TRIM5: variants seen among roughly 807,000 people sequenced by gnomAD.
TRIM5 encodes the protein tripartite motif-containing protein 5.
In TRIM5, 31 loss-of-function variants were observed where a neutral mutation model predicts 35.6. That is an observed-to-expected ratio of 0.87 (90% CI 0.65 to 1.18). The LOEUF is 1.18. Ranked by LOEUF, TRIM5 falls within the 50% of genes most tolerant of loss-of-function variation. The pLI is 0.00. For synonymous variants in TRIM5, 243 were observed against 215.6 expected (o/e 1.13, Z -1.11); for missense variants, 609 against 591.6 (o/e 1.03, Z -0.31).
At chr11:5,654,580 C>T in the TRIM5 span, among the ~76,000 whole-genome samples, 1 of 152,080 alleles carries the variant, frequency 6.6e-6, no homozygotes, top group Non-Finnish European at 1.5e-5. Context: ...TGCTAGTCTT[C>T]GAACACCTGG....
At position 5,668,625 on chromosome 11, in the gene TRIM5, T is replaced by C. The variant is rs1851327867; in HGVS notation, c.745-914A>G. On this transcript the variant is annotated intron_variant, in intron 4 of 7. Coordinates refer to ENST00000380034, the MANE Select transcript of TRIM5 (RefSeq NM_033034.3). ...CCATAATGCCCGGCTATTTTTTGTA[T>C]TTTTAGTAGAAATGGGGTTTCACCA... 2.0e-5 allele frequency among the ~76,000 whole-genome samples: 3 copies of C among 151,982 alleles called. No homozygotes were observed. The South Asian group carries it at 6.2e-4, about 32-fold the overall frequency.
chr11:5,623,361 G>A, the TRIM5 span, among the ~76,000 whole-genome samples: 1 of 151,442 alleles, frequency 6.6e-6, no homozygotes, highest in Non-Finnish European at 1.5e-5. Flanking sequence ...TATTTATTTT[G>A]TTTATTTTTA....
At chr11:5,592,914 C>CAAAAAAAAAAAAAAAAAAAAAAAAA in the TRIM5 span, among the ~76,000 whole-genome samples, 2 of 67,218 alleles carry the variant, frequency 3.0e-5, no homozygotes, top group African/African-American at 1.3e-4. Context: ...GAGATTGTCT[C>CAAAAAAAAAAAAAAAAAAAAAAAAA]AAAAAAAAAA....
chr11:5,599,635 C>A, the TRIM5 span, among the ~76,000 whole-genome samples: 1 of 152,068 alleles, frequency 6.6e-6, no homozygotes, highest in East Asian at 1.9e-4. Flanking sequence ...GATCTCCTGA[C>A]CTTGTGATCC....
chr11:5,603,387 CCT>C, the TRIM5 span: 23 of 1,613,676 alleles, frequency 1.4e-5, no homozygotes, highest in Non-Finnish European at 1.9e-5. Flanking sequence ...TAACAGAACC[CCT>C]GAGCATAGAC....
At chr11:5,644,560 GT>G in the TRIM5 span, among the ~76,000 whole-genome samples, 2 of 151,456 alleles carry the variant, frequency 1.3e-5, no homozygotes, top group East Asian at 1.9e-4. Context: ...GAGTGGGACT[GT>G]TTTTTTTCTT....
chr11:5,636,085 G>T, the TRIM5 span, among the ~76,000 whole-genome samples: 2 of 152,134 alleles, frequency 1.3e-5, no homozygotes, highest in Non-Finnish European at 2.9e-5. Flanking sequence ...ACTTATATAT[G>T]AAAGTTCACA....
At chr11:5,673,017 T>G (rs1239740892) in intron 4 of TRIM5, among the ~76,000 whole-genome samples, 5 of 151,810 alleles carry the variant, frequency 3.3e-5, no homozygotes, top group Admixed American at 2.0e-4. Flanking sequence ...AATAACAACA[T>G]CAAAAAAGAC....
chr11:5,632,025 G>A, the TRIM5 span, among the ~76,000 whole-genome samples: 3 of 152,258 alleles, frequency 2.0e-5, no homozygotes, highest in East Asian at 1.9e-4. Context: ...AAGTATAAAC[G>A]AAAGTCATGC....
the TRIM5 span, among the ~76,000 whole-genome samples, chr11:5,636,909 G>A: frequency 3.3e-5 from 5 of 152,194 alleles, no homozygotes; most frequent in Non-Finnish European, 7.3e-5. Context: ...CACTTTGGGA[G>A]GCCGAGGTGG....
At chr11:5,619,473 G>C in the TRIM5 span, among the ~76,000 whole-genome samples, 23 of 139,544 alleles carry the variant, frequency 1.6e-4, no homozygotes, top group African/African-American at 6.1e-4. Flanking sequence ...CTCTCTGCCA[G>C]AAAAGAAAGG....
chr11:5,664,954 G>A lies in TRIM5; in HGVS notation c.1337C>T (p.Ala446Val). The change falls in exon 8 of 8, where the codon GCT becomes GTT. Residue 446 changes from alanine (A) to valine (V), a missense_variant. By Grantham distance (64) the Ala-to-Val change is moderately conservative. Transcript: ENST00000380034. ...GATATTGAAGAATGAGACAGTGCAA[G>A]CCTCATAGTCTAGGAAAACTCCAAC... ...DRVGVFLDYE[A>V]CTVSFFNITN... 1 of 1,614,060 alleles carries A rather than the reference G, an allele frequency of 6.2e-7. No homozygotes were observed. Among genetic ancestry groups the A allele is most frequent in the Non-Finnish European group, 8.5e-7 (1 of 1,180,022 alleles).
At chr11:5,671,098 G>A (rs1851554785) in intron 4 of TRIM5, among the ~76,000 whole-genome samples, 1 of 152,036 alleles carries the variant, frequency 6.6e-6, no homozygotes, top group Non-Finnish European at 1.5e-5. Flanking sequence ...TGGTAGTGCG[G>A]AGCTGTAGTC....
chr11:5,680,781 T>A (rs1011751735), intron 1 of TRIM5, among the ~76,000 whole-genome samples: 61 of 152,352 alleles, frequency 4.0e-4, no homozygotes, highest in African/African-American at 1.4e-3. Flanking sequence ...TTTGCAATGA[T>A]TGCTCTTATT....
the TRIM5 span, chr11:5,643,662 C>A: frequency 3.1e-6 from 5 of 1,613,364 alleles, no homozygotes; most frequent in South Asian, 1.1e-5. Context: ...ATATTTCAAT[C>A]CTTGGAACTG....
chr11:5,618,687 A>G, the TRIM5 span, among the ~76,000 whole-genome samples: 1 of 152,254 alleles, frequency 6.6e-6, no homozygotes, highest in African/African-American at 2.4e-5. Flanking sequence ...TTAATCTACT[A>G]TAAAACAATG....
At chr11:5,661,817 A>G (rs1322330696), downstream of TRIM5, among the ~76,000 whole-genome samples, 1 of 152,184 alleles carries the variant, frequency 6.6e-6, no homozygotes, top group Non-Finnish European at 1.5e-5. Flanking sequence ...GTTCATTACT[A>G]GGGCCAGGAG....
chr11:5,618,240 C>T, the TRIM5 span, among the ~76,000 whole-genome samples: 33,160 of 151,950 alleles, frequency 0.22, 4,245 homozygotes, highest in African/African-American at 0.37. Context: ...CATGGTGGCC[C>T]GCGCCTGTAA....
At chr11:5,639,807 T>C in the TRIM5 span, among the ~76,000 whole-genome samples, 2 of 151,996 alleles carry the variant, frequency 1.3e-5, no homozygotes, top group Non-Finnish European at 2.9e-5. Flanking sequence ...TACTATTTTC[T>C]TTCCAATATA....
Sources: allele counts gnomAD v4.1 joint callset (sites outside exome capture counted in the v4.1 genomes callset), GRCh38; gene constraint gnomAD v4.1.1; transcripts MANE v1.5; gene names NCBI Gene and HGNC (gene_info 2026-07-23, HGNC 2026-07-21).